The following CMPK2 variants were observed in gnomAD, a reference collection of about 807,000 sequenced individuals.
CMPK2 encodes cytidine/uridine monophosphate kinase 2.
Under a neutral mutation model 33.4 loss-of-function variants are expected in CMPK2, and 32 were observed. The ratio of observed to expected loss-of-function variants is 0.96; its 90% CI spans 0.72 to 1.29. The LOEUF is 1.29. CMPK2 is among the 50% of genes most tolerant of loss of function. The probability of loss-of-function intolerance (pLI) is 0.00; values close to 1 mark genes in which losing one functional copy is unlikely to be tolerated. For synonymous variants in CMPK2, 299 were observed against 275.3 expected (o/e 1.09, Z -0.85); for missense variants, 672 against 616.0 (o/e 1.09, Z -0.96).
At chr2:6,861,651 C>T (rs182916427) in intron 2 of CMPK2, among the ~76,000 whole-genome samples, 16 of 152,270 alleles carry the variant, frequency 1.1e-4, no homozygotes, top group African/African-American at 3.1e-4. Context: ...CTTTTATTCC[C>T]GGCAGCCCAG....
At chr2:6,861,864 C>A (rs1662892745) in intron 2 of CMPK2, among the ~76,000 whole-genome samples, 1 of 152,264 alleles carries the variant, frequency 6.6e-6, no homozygotes, top group South Asian at 2.1e-4. Context: ...CCTGTGCTTG[C>A]CCCTTTGGGC....
At position 6,865,426 on chromosome 2, in the gene CMPK2, C is replaced by A. The variant is rs1008045150; in HGVS notation, c.271G>T (p.Ala91Ser). The change falls in exon 1 of 5, where the codon GCG becomes TCG. Residue 91 changes from alanine (A) to serine (S), a missense_variant. Ala to Ser is a moderately conservative substitution (Grantham distance 99, BLOSUM62 1). Coordinates refer to ENST00000256722, the MANE Select transcript of CMPK2 (RefSeq NM_207315.4). ...AGCAGGCGCTGGTGCAGCCGCGCCG[C>A]CCGGACCCGGGCCCCGCAGCCGGCG... ...PDAGCGARVR[A>S]ARLHQRLLHQ... The A allele has an allele frequency of 5.4e-6, 7 of 1,304,036 alleles. No individual in the cohort carries two copies. In the African/African-American group the frequency reaches 1.1e-4, roughly 20 times the overall value. The allele number at this position is 1,304,036 out of a possible 1,614,324, so 80.8% of individuals were successfully genotyped here. A position where few individuals can be genotyped will look rare whatever the true frequency, so the allele number is the denominator to read the frequency against.
intron 3 of CMPK2, among the ~76,000 whole-genome samples, chr2:6,842,611 C>G (rs558662090): frequency 1.3e-5 from 2 of 152,310 alleles, no homozygotes; most frequent in South Asian, 4.2e-4. Context: ...TAAATGCCCT[C>G]CCTATGGAAA....
intron 3 of CMPK2, among the ~76,000 whole-genome samples, chr2:6,855,035 A>G (rs1662643046): frequency 6.6e-6 from 1 of 152,008 alleles, no homozygotes; most frequent in Non-Finnish European, 1.5e-5. Context: ...CTGTATCAAA[A>G]AAGATGTCAA....
rs534604233 is a variant in CMPK2, at chr2:6,855,529, T to C, written c.993-3846A>G. Among the ~76,000 whole-genome samples the C allele has an allele frequency of 3.9e-5, 6 of 152,274 alleles. No homozygotes were observed. In the East Asian group the frequency reaches 1.2e-3, roughly 29 times the overall value. On this transcript the variant is annotated intron_variant, in intron 3 of 4. Transcript: ENST00000256722. The stretch of plus-strand genomic sequence containing the variant: ...TTATAGCAGTGTGAGAAAGAACTAA[T>C]ACAGATATCACATATGATAACATCG...
intron 3 of CMPK2, among the ~76,000 whole-genome samples, chr2:6,857,085 G>A (rs1342776894): frequency 6.6e-6 from 1 of 152,094 alleles, no homozygotes; most frequent in Non-Finnish European, 1.5e-5. Flanking sequence ...CATCATATGA[G>A]AGTTTCTATT....
At chr2:6,846,515 T>G (rs960994080), downstream of CMPK2, among the ~76,000 whole-genome samples, 1 of 152,206 alleles carries the variant, frequency 6.6e-6, no homozygotes, top group Admixed American at 6.5e-5. Context: ...TCCGCAAGAT[T>G]ATATCCCTAG....
chr2:6,851,644 C>A lies in CMPK2; in HGVS notation c.1032G>T (p.Glu344Asp). The change falls in exon 4 of 5, where the codon GAG becomes GAT. Residue 344 changes from glutamate (E) to aspartate (D), a missense_variant. Physicochemically the swap from Glu to Asp is conservative, Grantham distance 45. Coordinates refer to ENST00000256722, the MANE Select transcript of CMPK2 (RefSeq NM_207315.4). ...GCAGGTGCTGGAGACCCCCACTCAC[C>A]TCAGTGGCTATGGCATAGGTGGCCG... ...HSTATYAIATEVSGGLQHLPP... is the reference protein window; with the variant it reads ...HSTATYAIATDVSGGLQHLPP... 1.2e-6 allele frequency: 2 copies of A among 1,614,146 alleles called. No individual in the cohort carries two copies. Among genetic ancestry groups the A allele is most frequent in the East Asian group, 2.2e-5 (1 of 44,876 alleles).
At chr2:6,844,604 T>C (rs1366430259), downstream of CMPK2, among the ~76,000 whole-genome samples, 6 of 152,194 alleles carry the variant, frequency 3.9e-5, no homozygotes, top group Non-Finnish European at 8.8e-5. Flanking sequence ...GCATTCCAAC[T>C]GGGATTTTCA....
At chr2:6,844,348 G>A (rs1253373036), downstream of CMPK2, among the ~76,000 whole-genome samples, 19 of 152,162 alleles carry the variant, frequency 1.2e-4, no homozygotes, top group African/African-American at 2.4e-4. Context: ...TTTTGATATC[G>A]GGGCTGCCTG....
downstream of CMPK2, among the ~76,000 whole-genome samples, chr2:6,846,257 T>C (rs1335621589): frequency 2.6e-5 from 4 of 152,198 alleles, no homozygotes; most frequent in Admixed American, 2.6e-4. Flanking sequence ...AAAGAACTGT[T>C]TAAATTCACT....
intron 4 of CMPK2, chr2:6,851,110 T>C: frequency 1.6e-5 from 18 of 1,134,634 alleles, no homozygotes; most frequent in Non-Finnish European, 2.0e-5. Flanking sequence ...GATGTTACTA[T>C]GAGCTCGTTA....
rs1417652960 is a variant in CMPK2 at position 6,849,288 on chromosome 2, G to C, written c.*562C>G. 1.0e-6 allele frequency: 1 copy of C among 985,254 alleles called. No homozygotes were observed. Among genetic ancestry groups the C allele is most frequent in the African/African-American group, 1.7e-5 (1 of 57,198 alleles). The allele number at this position is 985,254 out of a possible 1,614,324, so 61.0% of individuals were successfully genotyped here. A position where few individuals can be genotyped will look rare whatever the true frequency, so the allele number is the denominator to read the frequency against. ...TGTAAGTGTTCCTTACCCAAAAATGGCTCTGCAGGAGTGTCCTTGGGCAGC... is the reference window on the plus strand; with the variant it reads ...TGTAAGTGTTCCTTACCCAAAAATGCCTCTGCAGGAGTGTCCTTGGGCAGC... On this transcript the variant is annotated 3_prime_UTR_variant, in exon 5 of 5. Coordinates refer to ENST00000256722, the MANE Select transcript of CMPK2 (RefSeq NM_207315.4).
chr2:6,866,237 G>A (rs1182349460), upstream of CMPK2, among the ~76,000 whole-genome samples: 1 of 152,202 alleles, frequency 6.6e-6, no homozygotes, highest in Non-Finnish European at 1.5e-5. Context: ...GACTGACCAG[G>A]CCCTGCAGAC....
At chr2:6,840,979 G>C (rs971188661) in intron 3 of CMPK2, among the ~76,000 whole-genome samples, 3 of 152,114 alleles carry the variant, frequency 2.0e-5, no homozygotes, top group Non-Finnish European at 4.4e-5. Context: ...CAGTTTAGAG[G>C]AGGTGAGTTT....
At chr2:6,866,057 T>A (rs1263887702), upstream of CMPK2, 2 of 298,758 alleles carry the variant, frequency 6.7e-6, no homozygotes, top group Non-Finnish European at 1.2e-5. Flanking sequence ...TAGCTCCGTG[T>A]GCGTTCTGCG....
chr2:6,858,163 T>A (rs539376858), intron 3 of CMPK2, among the ~76,000 whole-genome samples: 4 of 152,234 alleles, frequency 2.6e-5, no homozygotes, highest in African/African-American at 9.6e-5. Flanking sequence ...TCTTGCAGAT[T>A]TCTTTCTCCA....
chr2:6,861,100 ACACGCACACACACACACACACACACACC>A (rs1401669004), intron 3 of CMPK2, 56 bp downstream of exon 3: 16 of 47,820 alleles, frequency 3.3e-4, no homozygotes, highest in Non-Finnish European at 6.0e-4. Flanking sequence ...GTATACACAC[ACACGCACACACACACACACACACACACC>A]CACACACTTA....
At chr2:6,858,311 C>T (rs1167546685) in intron 3 of CMPK2, among the ~76,000 whole-genome samples, 1 of 151,884 alleles carries the variant, frequency 6.6e-6, no homozygotes, top group Non-Finnish European at 1.5e-5. Flanking sequence ...TAGCACATTA[C>T]TTTGATTTTT....
Sources: gnomAD v4.1 joint callset for allele counts (sites outside exome capture counted in the v4.1 genomes callset) on GRCh38, gnomAD v4.1.1 for gene constraint, MANE v1.5 for transcripts, NCBI Gene and HGNC (gene_info 2026-07-23, HGNC 2026-07-21) for gene names.